The following ADGRA2 variants were observed in gnomAD, a reference collection of about 807,000 sequenced individuals.
ADGRA2 encodes the protein adhesion G protein-coupled receptor A2.
ADGRA2 carries 61 observed loss-of-function variants against 98.7 expected under a neutral mutation model. That is an observed-to-expected ratio of 0.62 (90% CI 0.50 to 0.76). ADGRA2 has a LOEUF of 0.76. Ranked by LOEUF, ADGRA2 falls within the 30% of genes least tolerant of loss-of-function variation. The pLI is 0.00. For synonymous variants in ADGRA2, 858 were observed against 831.5 expected (o/e 1.03, Z -0.55); for missense variants, 1,712 against 1,860.0 (o/e 0.92, Z 1.46).
In ADGRA2 at chr8:37,841,835, G is replaced by A; in HGVS notation, c.3497G>A (p.Gly1166Glu). The stretch of plus-strand genomic sequence containing the variant: ...GAGCCGGAGCCGGCGGGCACCCGGG[G>A]AAACCTCGCCCACCGCCACCCCAAC... ...EGEPEPAGTR[G>E]NLAHRHPNNV... The change falls in exon 19 of 19, where the codon GGA (glycine) becomes GAA (glutamate). Residue 1166 changes from glycine to glutamate, a missense_variant. Transcript: ENST00000412232. This position sits in a 1 kb window ranked among gnomAD's most constrained non-coding sequence, Gnocchi z 5.0. The A allele has an allele frequency of 2.6e-6, 4 of 1,531,170 alleles. No homozygotes were observed. The highest frequency in any genetic ancestry group is 2.6e-6 in the Non-Finnish European group (3 of 1,144,704). 94.8% of individuals were successfully genotyped at this position (1,531,170 alleles called of 1,614,324 possible).
At chr8:37,818,189 G>T (rs1377447579) in intron 2 of ADGRA2, among the ~76,000 whole-genome samples, 2 of 152,158 alleles carry the variant, frequency 1.3e-5, no homozygotes, top group Non-Finnish European at 2.9e-5. Context: ...TTTGGAGGAA[G>T]GCAAGCCGCA....
Position 37,834,165 on chromosome 8 carries a change from C to G in ADGRA2, c.1608+37C>G. 1 of 1,570,554 alleles carries G rather than the reference C, an allele frequency of 6.4e-7. No individual in the cohort carries two copies. The highest frequency in any genetic ancestry group is 1.1e-5 in the South Asian group (1 of 88,062). On this transcript the variant is annotated intron_variant, in intron 11 of 18. Transcript: ENST00000412232. This position sits in a 1 kb window ranked among gnomAD's most constrained non-coding sequence, Gnocchi z 4.2. ...CAGCAGAGGGGGTGGCCCTGGCATG[C>G]AGAGGAGGGAGGCGCTCCCTCTCAG...
At chr8:37,827,956 G>A (rs889342711) in intron 2 of ADGRA2, among the ~76,000 whole-genome samples, 1 of 151,972 alleles carries the variant, frequency 6.6e-6, no homozygotes, top group African/African-American at 2.4e-5. Context: ...CAACATAGTG[G>A]GACCCTGTCT....
chr8:37,837,965 C>T lies in ADGRA2; in HGVS notation c.2259+26C>T, dbSNP rs562475474. On this transcript the variant is annotated intron_variant, in intron 14 of 18. Coordinates refer to ENST00000412232, the MANE Select transcript of ADGRA2 (RefSeq NM_032777.10). ...GTGGGTGTGAGGAGGGGTGACAAGT[C>T]GGGGGGGCAGGGACACGGGCTGGGT... 2.4e-5 allele frequency: 31 copies of T among 1,277,272 alleles called. No individual in the cohort carries two copies. In the East Asian group the frequency reaches 4.1e-4, roughly 17 times the overall value. 79.1% of individuals were successfully genotyped at this position (1,277,272 alleles called of 1,614,324 possible). A position where few individuals can be genotyped will look rare whatever the true frequency, so the allele number is the denominator to read the frequency against.
At chr8:37,799,961 C>G (rs1329849004) in intron 1 of ADGRA2, among the ~76,000 whole-genome samples, 1 of 152,148 alleles carries the variant, frequency 6.6e-6, no homozygotes, top group Non-Finnish European at 1.5e-5. Flanking sequence ...GAAAAAGAAC[C>G]CAGGCTCTCC....
chr8:37,807,780 C>T (rs73592898), intron 1 of ADGRA2, among the ~76,000 whole-genome samples: 1,540 of 152,266 alleles, frequency 0.01, 37 homozygotes, highest in African/African-American at 0.035. Context: ...TGGCCTGAAC[C>T]GATGGAGGCT....
At chr8:37,804,473 G>A (rs897191981) in intron 1 of ADGRA2, among the ~76,000 whole-genome samples, 6 of 152,234 alleles carry the variant, frequency 3.9e-5, no homozygotes, top group African/African-American at 1.4e-4. Context: ...AGTTTAAGCG[G>A]CCTGACCCCA....
intron 8 of ADGRA2, among the ~76,000 whole-genome samples, chr8:37,832,575 CTG>C (rs1805488773): frequency 6.6e-6 from 1 of 152,184 alleles, no homozygotes; most frequent in Non-Finnish European, 1.5e-5. Context: ...GGCTCAAGCA[CTG>C]TGCCTGGCCA....
chr8:37,800,972 G>T (rs1482024561), intron 1 of ADGRA2, among the ~76,000 whole-genome samples: 2 of 151,968 alleles, frequency 1.3e-5, no homozygotes, highest in East Asian at 3.9e-4. Flanking sequence ...TCCAAGATGG[G>T]GCCCCGGGGC....
intron 2 of ADGRA2, 140 bp from the exon 3 acceptor site, chr8:37,828,748 G>C: frequency 1.7e-6 from 1 of 601,724 alleles, no homozygotes; most frequent in Non-Finnish European, 2.9e-6. Context: ...ACCCGGTGCT[G>C]AGGAGAGCAG....
intron 7 of ADGRA2, 143 bp from the exon 8 acceptor site, chr8:37,831,280 G>C: frequency 6.9e-6 from 5 of 724,272 alleles, no homozygotes; most frequent in Non-Finnish European, 1.1e-5. Context: ...AGGCCAATCA[G>C]AATAAAAGGA....
rs1805885003 is a variant in ADGRA2 at position 37,843,670 on chromosome 8, G to A, written c.*1315G>A. ...CACCAAGGTGACAGAGGACACAGGG[G>A]AGGGGGAAAACCCACACACACTCCT... On this transcript the variant is annotated 3_prime_UTR_variant, in exon 19 of 19. Coordinates refer to ENST00000412232, the MANE Select transcript of ADGRA2 (RefSeq NM_032777.10). 1 of 152,438 alleles carries A rather than the reference G, an allele frequency of 6.6e-6. No homozygotes were observed. The highest frequency in any genetic ancestry group is 1.5e-5 in the Non-Finnish European group (1 of 68,056). 9.4% of individuals were successfully genotyped at this position (152,438 alleles called of 1,614,324 possible).
Position 37,829,875 on chromosome 8 carries a change from C to G in ADGRA2, c.579C>G (p.Thr193=). ...GGGACTTGGGCACCGAGTTCCTGACCTGTGACTGCCACCTGCGCTGGCTGC... is the reference window on the plus strand; with the variant it reads ...GGGACTTGGGCACCGAGTTCCTGACGTGTGACTGCCACCTGCGCTGGCTGC... ...KVVDLGTEFL[T]CDCHLRWLLP... The change falls in exon 6 of 19, where the codon ACC becomes ACG. Residue 193 remains threonine (T), a synonymous_variant. Transcript: ENST00000412232. 6.2e-7 allele frequency: 1 copy of G among 1,612,806 alleles called. No homozygotes were observed. The highest frequency in any genetic ancestry group is 8.5e-7 in the Non-Finnish European group (1 of 1,179,808).
intron 1 of ADGRA2, among the ~76,000 whole-genome samples, chr8:37,810,622 C>A (rs1191930677): frequency 6.6e-6 from 1 of 152,056 alleles, no homozygotes; most frequent in African/African-American, 2.4e-5. Flanking sequence ...CTCGTCCTCC[C>A]AAGTAGCTAG....
chr8:37,816,295 A>AAC (rs1249700165), intron 2 of ADGRA2, among the ~76,000 whole-genome samples: 1 of 150,334 alleles, frequency 6.7e-6, no homozygotes, highest in Admixed American at 6.6e-5. Flanking sequence ...GTCTCTTAAA[A>AAC]ACACACACAC....
chr8:37,838,670 G>A (rs756157140), intron 14 of ADGRA2, among the ~76,000 whole-genome samples: 1 of 140,592 alleles, frequency 7.1e-6, no homozygotes, highest in Non-Finnish European at 1.5e-5. Flanking sequence ...CCTGCTGCTG[G>A]TCACAGGCAG....
intron 16 of ADGRA2, among the ~76,000 whole-genome samples, chr8:37,839,875 T>TG (rs763138774): frequency 6.6e-6 from 1 of 150,402 alleles, no homozygotes; most frequent in African/African-American, 2.5e-5. Context: ...GGTGGGGAGG[T>TG]GGGGGATCAG....
intron 1 of ADGRA2, among the ~76,000 whole-genome samples, chr8:37,806,022 C>G (rs1804648387): frequency 6.6e-6 from 1 of 152,092 alleles, no homozygotes; most frequent in Admixed American, 6.6e-5. Flanking sequence ...TCAAAGAGGT[C>G]TGCTTTCTTC....
At position 37,833,005 on chromosome 8, in the gene ADGRA2, C is replaced by T. The variant is rs375583297; in HGVS notation, c.1098-5C>T. The stretch of plus-strand genomic sequence containing the variant: ...TCATCGGCAACTTCCTGCCTCTCCC[C>T]CCAGGTGGCCCCGAACTCTGGCTGG... On this transcript the variant is annotated splice_region_variant and splice_polypyrimidine_tract_variant and intron_variant, in intron 8 of 18. Coordinates refer to ENST00000412232, the MANE Select transcript of ADGRA2 (RefSeq NM_032777.10). 6.2e-7 allele frequency: 1 copy of T among 1,610,352 alleles called. No individual in the cohort carries two copies. The highest frequency in any genetic ancestry group is 8.5e-7 in the Non-Finnish European group (1 of 1,178,304).
Sources: gnomAD v4.1 joint callset for allele counts (sites outside exome capture counted in the v4.1 genomes callset) on GRCh38, gnomAD v4.1.1 for gene constraint, Gnocchi (gnomAD v3.1) non-coding constraint, MANE v1.5 for transcripts, NCBI Gene and HGNC (gene_info 2026-07-23, HGNC 2026-07-21) for gene names.